Variants in EXTL3 observed in about 807,000 individuals in gnomAD.
EXTL3 encodes exostosin like glycosyltransferase 3.
EXTL3 carries 27 observed loss-of-function variants against 69.3 expected under a neutral mutation model. The observed-to-expected ratio is 0.39, with a 90% CI of 0.29 to 0.54. The LOEUF (loss-of-function observed/expected upper bound fraction) is 0.54. Among genes scored for constraint, EXTL3 ranks in the 20% least tolerant of loss-of-function variants. The pLI, the probability that EXTL3 is intolerant of heterozygous loss-of-function variation, is 0.69. For missense variants in EXTL3, 1,003 were observed against 1,231.8 expected (o/e 0.81, Z 2.78); for synonymous variants, 511 against 499.4 (o/e 1.02, Z -0.31).
At chr8:28,657,089 C>T (rs1437780333) in intron 1 of EXTL3, among the ~76,000 whole-genome samples, 1 of 151,968 alleles carries the variant, frequency 6.6e-6, no homozygotes, top group Non-Finnish European at 1.5e-5. Context: ...CCACCACCAC[C>T]ACCACACCCA....
At chr8:28,617,206 C>G (rs149768489) in intron 2 of EXTL3, among the ~76,000 whole-genome samples, 2 of 152,142 alleles carry the variant, frequency 1.3e-5, no homozygotes, top group Admixed American at 6.6e-5. Flanking sequence ...ACCAACACCC[C>G]GTTCCGAGAA....
chr8:28,652,041 G>GTGTGTC (rs1167813164), intron 1 of EXTL3, among the ~76,000 whole-genome samples: 2 of 150,180 alleles, frequency 1.3e-5, no homozygotes, highest in African/African-American at 4.9e-5. Flanking sequence ...GTGTGTGTCT[G>GTGTGTC]TGTGTGTGTG....
At chr8:28,670,202 C>G (rs1807263239) in intron 1 of EXTL3, among the ~76,000 whole-genome samples, 1 of 428 alleles carries the variant, frequency 2.3e-3, no homozygotes, top group African/African-American at 0.024. Context: ...GAGTGAGACT[C>G]TGTCTCAAAA....
intron 1 of EXTL3, among the ~76,000 whole-genome samples, chr8:28,668,021 G>T (rs1807223535): frequency 6.6e-6 from 1 of 151,978 alleles, no homozygotes; most frequent in Admixed American, 6.6e-5. Flanking sequence ...CTAGCACTTT[G>T]GGGGATTGAG....
chr8:28,748,380 A>C (rs1015149473), intron 6 of EXTL3, among the ~76,000 whole-genome samples: 1 of 152,098 alleles, frequency 6.6e-6, no homozygotes, highest in Non-Finnish European at 1.5e-5. Context: ...AAAAAAAAAA[A>C]AACTTGACAG....
upstream of EXTL3, among the ~76,000 whole-genome samples, chr8:28,699,233 C>T (rs1370655695): frequency 6.6e-6 from 1 of 152,120 alleles, no homozygotes; most frequent in East Asian, 1.9e-4. Flanking sequence ...CAGAGTGCTA[C>T]TGGGCAGCAG....
chr8:28,607,982 C>T (rs913352224), intron 2 of EXTL3, among the ~76,000 whole-genome samples: 9 of 151,624 alleles, frequency 5.9e-5, no homozygotes, highest in Admixed American at 3.9e-4. Context: ...TGGTGGTGGG[C>T]GCCTGTAGTC....
chr8:28,708,912 T>C (rs1800975839), intron 1 of EXTL3, among the ~76,000 whole-genome samples: 1 of 152,192 alleles, frequency 6.6e-6, no homozygotes, highest in Non-Finnish European at 1.5e-5. Context: ...GTAAATACTT[T>C]GAATATAGTG....
chr8:28,669,596 T>C (rs1807253329), intron 1 of EXTL3, among the ~76,000 whole-genome samples: 1 of 152,190 alleles, frequency 6.6e-6, no homozygotes, highest in African/African-American at 2.4e-5. Flanking sequence ...CCTGTCATTT[T>C]TGTAGTAGCT....
chr8:28,755,800 A>G (rs1802111657), downstream of EXTL3, among the ~76,000 whole-genome samples: 1 of 152,224 alleles, frequency 6.6e-6, no homozygotes, highest in South Asian at 2.1e-4. Context: ...CTGTCATGTT[A>G]GCATTGAAAC....
chr8:28,627,488 CA>C (rs35382851), intron 1 of EXTL3, among the ~76,000 whole-genome samples: 30,849 of 92,764 alleles, frequency 0.33, 2,868 homozygotes, highest in Admixed American at 0.37. Context: ...GACCCTGTCT[CA>C]AAAAAAAAAA....
At chr8:28,613,169 G>A (rs1806292092) in intron 2 of EXTL3, among the ~76,000 whole-genome samples, 1 of 151,742 alleles carries the variant, frequency 6.6e-6, no homozygotes, top group African/African-American at 2.4e-5. Context: ...TGTTTTTTTG[G>A]TATTTTGTTT....
intron 1 of EXTL3, among the ~76,000 whole-genome samples, chr8:28,643,441 G>C (rs923257199): frequency 2.6e-4 from 20 of 78,114 alleles, no homozygotes; most frequent in African/African-American, 1.3e-3. Context: ...TTGAGACAGA[G>C]TCTCGCTCTT....
chr8:28,702,007 C>G (rs965039106), intron 1 of EXTL3, among the ~76,000 whole-genome samples: 1 of 152,012 alleles, frequency 6.6e-6, no homozygotes, highest in Non-Finnish European at 1.5e-5. Context: ...TTTGGACGCT[C>G]GGCTGCAGCT....
At chr8:28,731,102 C>A in intron 3 of EXTL3, 121 bp from the exon 4 acceptor site, 1 of 1,210,540 alleles carries the variant, frequency 8.3e-7, no homozygotes, top group Non-Finnish European at 1.2e-6. Context: ...TTTACAAGCG[C>A]GGAGATCAGG....
chr8:28,713,586 T>A (rs1331179598), intron 2 of EXTL3, 36 bp downstream of exon 2: 2 of 695,034 alleles, frequency 2.9e-6, no homozygotes, highest in Non-Finnish European at 5.2e-6. Context: ...TTGCTGTGAT[T>A]ACGCCTTCTT....
chr8:28,731,529 C>T (rs546595625), intron 4 of EXTL3, among the ~76,000 whole-genome samples, 179 bp downstream of exon 4: 7 of 152,288 alleles, frequency 4.6e-5, no homozygotes, highest in Admixed American at 3.9e-4. Context: ...CATCTCTCTT[C>T]ATCTGTAGGC....
chr8:28,659,832 A>G (rs1301771171), intron 1 of EXTL3, among the ~76,000 whole-genome samples: 1 of 152,124 alleles, frequency 6.6e-6, no homozygotes, highest in Admixed American at 6.5e-5. Context: ...AAATGTCCTC[A>G]GTGTTTCTTT....
At position 28,707,430 on chromosome 8, in the gene EXTL3, C is replaced by T. The variant is rs949636243; in HGVS notation, c.-570+5771C>T. Among the ~76,000 whole-genome samples, 8 of 152,242 alleles carry T rather than the reference C, an allele frequency of 5.3e-5. No homozygotes were observed. The East Asian group carries it at 1.5e-3, about 29-fold the overall frequency. Reference sequence around the variant, plus strand: ...TATCTAGAGTACTGTGCCTAGCACACTGTAAATATAAATCAGTAGCAATTA... The same window carrying T: ...TATCTAGAGTACTGTGCCTAGCACATTGTAAATATAAATCAGTAGCAATTA... On this transcript the variant is annotated intron_variant, in intron 1 of 6. Transcript: ENST00000220562.
Sources: allele counts gnomAD v4.1 joint callset (sites outside exome capture counted in the v4.1 genomes callset), GRCh38; gene constraint gnomAD v4.1.1; transcripts MANE v1.5; gene names NCBI Gene and HGNC (gene_info 2026-07-23, HGNC 2026-07-21).